FIP1L1: variants seen among roughly 807,000 people sequenced by gnomAD.
The protein encoded by FIP1L1 is factor interacting with PAPOLA and CPSF1.
Under a neutral mutation model 84.6 loss-of-function variants are expected in FIP1L1, and 21 were observed. The ratio of observed to expected loss-of-function variants is 0.25; its 90% confidence interval spans 0.18 to 0.36. The LOEUF is 0.36. Ranked by LOEUF, FIP1L1 falls within the 10% of genes least tolerant of loss-of-function variation. The pLI is 1.00. For missense variants in FIP1L1, 526 were observed against 751.1 expected (o/e 0.70, Z 3.50); for synonymous variants, 263 against 242.3 (o/e 1.09, Z -0.80).
chr4:53,399,852 GT>G lies in FIP1L1; in HGVS notation c.815+15del. On this transcript the variant is annotated intron_variant, in intron 10 of 17. Coordinates refer to ENST00000337488, the MANE Select transcript of FIP1L1 (RefSeq NM_030917.4). ...TTCCACCGAGCAGGTTAGTTACATA[GT>G]TATAACTCAATTACTGTACGACATT... 6.6e-7 allele frequency: 1 copy of G among 1,510,712 alleles called. No homozygotes were observed. 93.6% of individuals were successfully genotyped at this position (1,510,712 alleles called of 1,614,324 possible). A position where few individuals can be genotyped will look rare whatever the true frequency, so the allele number is the denominator to read the frequency against.
intron 13 of FIP1L1, among the ~76,000 whole-genome samples, chr4:53,439,119 T>C (rs964298364): frequency 6.6e-6 from 1 of 152,166 alleles, no homozygotes; most frequent in African/African-American, 2.4e-5. Flanking sequence ...TTGTAGTATA[T>C]ATTAAAAACA....
At chr4:53,453,367 T>G (rs1209136166) in intron 16 of FIP1L1, among the ~76,000 whole-genome samples, 1 of 152,216 alleles carries the variant, frequency 6.6e-6, no homozygotes, top group African/African-American at 2.4e-5. Context: ...TCATTTATTT[T>G]TATCTTGCCA....
intron 10 of FIP1L1, among the ~76,000 whole-genome samples, chr4:53,405,806 G>C (rs1044582304): frequency 2.7e-5 from 4 of 150,936 alleles, no homozygotes; most frequent in African/African-American, 7.3e-5. Context: ...TTGGCTCTCT[G>C]TTTGTCTGTT....
Position 53,378,091 on chromosome 4 carries a change from C to T in FIP1L1, c.85+168C>T, listed in dbSNP as rs369691112. On this transcript the variant is annotated intron_variant, in intron 1 of 17. Coordinates refer to ENST00000337488, the MANE Select transcript of FIP1L1 (RefSeq NM_030917.4). ...GGCGTGCGCGTGCCCCCAGTCCCCGCGGCGGTCTCCCGCCTGGCCCACGCC... is the reference window on the plus strand; with the variant it reads ...GGCGTGCGCGTGCCCCCAGTCCCCGTGGCGGTCTCCCGCCTGGCCCACGCC... The T allele has an allele frequency of 3.5e-5, 19 of 546,238 alleles. No homozygotes were observed. The East Asian group carries it at 4.8e-4, about 14-fold the overall frequency. The allele number at this position is 546,238 out of a possible 1,614,324, so 33.8% of individuals were successfully genotyped here. A position where few individuals can be genotyped will look rare whatever the true frequency, so the allele number is the denominator to read the frequency against.
intron 13 of FIP1L1, among the ~76,000 whole-genome samples, chr4:53,441,537 A>C (rs1349568265): frequency 6.6e-6 from 1 of 151,952 alleles, no homozygotes; most frequent in Non-Finnish European, 1.5e-5. Flanking sequence ...GGTAATTGCC[A>C]AATTTTGTAC....
intron 11 of FIP1L1, among the ~76,000 whole-genome samples, chr4:53,416,227 G>T (rs1759432113): frequency 2.0e-5 from 3 of 152,098 alleles, no homozygotes; most frequent in Non-Finnish European, 2.9e-5. Flanking sequence ...ATTTAACCTG[G>T]CAGTATGGAC....
intron 12 of FIP1L1, among the ~76,000 whole-genome samples, 171 bp from the exon 13 acceptor site, chr4:53,427,856 G>T: frequency 6.6e-6 from 1 of 152,140 alleles, no homozygotes; most frequent in East Asian, 1.9e-4. Context: ...TCACACAGGC[G>T]TATGTATACA....
intron 10 of FIP1L1, among the ~76,000 whole-genome samples, chr4:53,410,329 C>T (rs372396595): frequency 6.6e-6 from 1 of 152,196 alleles, no homozygotes; most frequent in Non-Finnish European, 1.5e-5. Flanking sequence ...GTAGAATGGT[C>T]GTTGAGTTCT....
chr4:53,379,610 T>C (rs1165068758), intron 3 of FIP1L1, among the ~76,000 whole-genome samples: 2 of 152,244 alleles, frequency 1.3e-5, no homozygotes, highest in African/African-American at 4.8e-5. Flanking sequence ...TGTTTTTAAG[T>C]AAATCAGGAA....
At chr4:53,385,900 G>C (rs1290054055) in intron 5 of FIP1L1, among the ~76,000 whole-genome samples, 1 of 152,050 alleles carries the variant, frequency 6.6e-6, no homozygotes, top group African/African-American at 2.4e-5. Flanking sequence ...TATATCCCTT[G>C]AAAACAAAGT....
chr4:53,394,629 G>A (rs1746256190), intron 9 of FIP1L1, among the ~76,000 whole-genome samples: 1 of 151,606 alleles, frequency 6.6e-6, no homozygotes, highest in Non-Finnish European at 1.5e-5. Flanking sequence ...AGTTTTCTTT[G>A]GTCTGCTCAG....
intron 11 of FIP1L1, among the ~76,000 whole-genome samples, chr4:53,422,093 AT>A (rs1041370703): frequency 1.3e-5 from 2 of 151,926 alleles, no homozygotes; most frequent in African/African-American, 4.8e-5. Flanking sequence ...TTAAAATTCA[AT>A]TTTTTTTGGT....
rs191202834 is a variant in FIP1L1 at position 53,458,645 on chromosome 4, A to T, written c.1500-8A>T. ...GTTGTCAAGAAAACATTTCTATTTC[A>T]ATTTCAGCGATGAAGAACGATACAG... On this transcript the variant is annotated splice_polypyrimidine_tract_variant and splice_region_variant and intron_variant, in intron 16 of 17. Transcript: ENST00000337488. 4.4e-5 allele frequency: 71 copies of T among 1,606,828 alleles called. No homozygotes were observed. Among genetic ancestry groups the T allele is most frequent in the Admixed American group, 1.7e-4 (10 of 59,070 alleles).
At chr4:53,437,352 A>AAAAAAG (rs1769808335) in intron 13 of FIP1L1, among the ~76,000 whole-genome samples, 1 of 139,778 alleles carries the variant, frequency 7.2e-6, no homozygotes, top group African/African-American at 2.6e-5. Flanking sequence ...AAAAAAAAAA[A>AAAAAAG]AGAGAGAGAA....
At chr4:53,380,239 T>A (rs2149248766) in intron 3 of FIP1L1, among the ~76,000 whole-genome samples, 1 of 152,362 alleles carries the variant, frequency 6.6e-6, no homozygotes, top group African/African-American at 2.4e-5. Context: ...CGCAGCTGCA[T>A]CAACTGATGA....
intron 13 of FIP1L1, among the ~76,000 whole-genome samples, chr4:53,437,115 C>A (rs553016684): frequency 9.9e-5 from 15 of 151,236 alleles, no homozygotes; most frequent in African/African-American, 3.2e-4. Context: ...TCGCTTGAGC[C>A]CAGGAGTTTG....
intron 10 of FIP1L1, among the ~76,000 whole-genome samples, chr4:53,410,033 A>G (rs922506222): frequency 6.6e-6 from 1 of 152,178 alleles, no homozygotes; most frequent in Non-Finnish European, 1.5e-5. Context: ...CCCTAGTGAG[A>G]TGAACCCGGT....
Position 53,390,125 on chromosome 4 carries a change from A to G in FIP1L1, c.397+252A>G, listed in dbSNP as rs533296360. Among the ~76,000 whole-genome samples the G allele has an allele frequency of 3.9e-5, 6 of 152,218 alleles. No homozygotes were observed. The East Asian group carries it at 1.2e-3, about 29-fold the overall frequency. On this transcript the variant is annotated intron_variant, in intron 6 of 17. Coordinates refer to ENST00000337488, the MANE Select transcript of FIP1L1 (RefSeq NM_030917.4). ...GGCCAATTTTTGTATTTTTATGTAG[A>G]GACCAGGTCTCACCATGTTGTTCAG...
intron 5 of FIP1L1, among the ~76,000 whole-genome samples, chr4:53,386,346 C>T (rs1008875166): frequency 1.8e-4 from 28 of 151,930 alleles, no homozygotes; most frequent in Non-Finnish European, 3.5e-4. Context: ...CATGAAATTT[C>T]ATGGAGTTAA....
Sources: allele counts gnomAD v4.1 joint callset (sites outside exome capture counted in the v4.1 genomes callset), GRCh38; gene constraint gnomAD v4.1.1; transcripts MANE v1.5; gene names NCBI Gene and HGNC (gene_info 2026-07-23, HGNC 2026-07-21).